The following KLHL10 variants were observed in gnomAD, a reference collection of about 807,000 sequenced individuals.
KLHL10 encodes kelch-like protein 10.
KLHL10 carries 11 observed loss-of-function variants against 46.6 expected under a neutral mutation model. The ratio of observed to expected loss-of-function variants is 0.24; its 90% CI spans 0.15 to 0.39. The LOEUF (loss-of-function observed/expected upper bound fraction) is 0.39, where lower values mean the gene tolerates loss of function less well. Among genes scored for constraint, KLHL10 ranks in the 10% least tolerant of loss-of-function variants. KLHL10 has a pLI of 1.00. For missense variants in KLHL10, 475 were observed against 789.8 expected (o/e 0.60, Z 4.78); for synonymous variants, 254 against 279.1 (o/e 0.91, Z 0.90).
chr17:41,848,269 G>A lies in KLHL10; in HGVS notation c.1789G>A (p.Val597Ile). ...CCCAGGATTAGCACTGCGAGATGAA[G>A]TAAAATATTCTGCTTCGACAAGTAC... is the stretch of plus-strand genomic sequence containing the variant. ...NFPGLALRDE[V>I]KYSASTSTLP... The change falls in exon 5 of 5, where the codon GTA becomes ATA. Residue 597 changes from valine (V) to isoleucine (I), a missense_variant. By Grantham distance (29) the Val-to-Ile change is conservative (BLOSUM62 3). Transcript: ENST00000293303. 1 of 1,613,218 alleles carries A rather than the reference G, an allele frequency of 6.2e-7. No individual in the cohort carries two copies. The highest frequency in any genetic ancestry group is 8.5e-7 in the Non-Finnish European group (1 of 1,179,938).
chr17:41,838,632 TC>T (rs1439656040), intron 1 of KLHL10, among the ~76,000 whole-genome samples: 13 of 57,722 alleles, frequency 2.3e-4, no homozygotes, highest in South Asian at 1.5e-3. Context: ...CTTTTTTCTC[TC>T]TTTTTTTTTT....
At position 41,842,174 on chromosome 17, in the gene KLHL10, G is replaced by T; in HGVS notation, c.546G>T (p.Ser182=). 6.2e-7 allele frequency: 1 copy of T among 1,614,072 alleles called. No homozygotes were observed. The highest frequency in any genetic ancestry group is 1.3e-5 in the African/African-American group (1 of 75,026). Residue 182 remains serine, a synonymous_variant, in exon 2 of 5, where the codon TCG becomes TCT. Coordinates refer to ENST00000293303, the MANE Select transcript of KLHL10 (RefSeq NM_152467.5). ...VKVSAEFLEL[S]VTELKDIIEK... ...TCTCGGCAGAATTTTTAGAGCTCTC[G>T]GTCACTGAACTTAAGGATATCATTG...
At chr17:41,835,721 C>G, upstream of KLHL10, 3 of 910,666 alleles carry the variant, frequency 3.3e-6, no homozygotes, top group South Asian at 4.2e-5. Flanking sequence ...CCAACCCGCT[C>G]TCCTTCAAGC....
chr17:41,847,327 A>C lies in KLHL10; in HGVS notation c.1369A>C (p.Ser457Arg). The C allele has an allele frequency of 6.2e-7, 1 of 1,613,188 alleles. No individual in the cohort carries two copies. Among genetic ancestry groups the C allele is most frequent in the Non-Finnish European group, 8.5e-7 (1 of 1,179,154 alleles). ...CACAGCAGAAGTGTATAACACTGAA[A>C]GTAATCAGTGGACAGTCATAGCACC... ...LFTAEVYNTE[S>R]NQWTVIAPMR... is the part of the protein sequence containing the mutation. The change falls in exon 4 of 5, where the codon AGT (serine) becomes CGT (arginine). Residue 457 changes from serine to arginine, a missense_variant. Ser to Arg is a moderately radical substitution (Grantham distance 110, BLOSUM62 -1). Coordinates refer to ENST00000293303, the MANE Select transcript of KLHL10 (RefSeq NM_152467.5).
At chr17:41,844,238 T>TC (rs1442290009) in intron 2 of KLHL10, among the ~76,000 whole-genome samples, 4 of 146,104 alleles carry the variant, frequency 2.7e-5, no homozygotes, top group Non-Finnish European at 6.0e-5. Context: ...TTTTTTTTTT[T>TC]CTTTTTTTTT....
intron 3 of KLHL10, among the ~76,000 whole-genome samples, chr17:41,846,187 G>A (rs1017030144): frequency 2.0e-5 from 3 of 150,856 alleles, no homozygotes; most frequent in South Asian, 2.1e-4. Flanking sequence ...ACTCCAGCCC[G>A]GGCGACAGTG....
chr17:41,847,446 A>C (rs1555621578), intron 4 of KLHL10, 36 bp downstream of exon 4: 2 of 1,612,392 alleles, frequency 1.2e-6, no homozygotes, highest in South Asian at 1.1e-5. Context: ...CACAAAAAAC[A>C]CATTACCCCT....
chr17:41,841,381 C>T (rs1198726567), intron 1 of KLHL10, among the ~76,000 whole-genome samples: 2 of 152,072 alleles, frequency 1.3e-5, no homozygotes, highest in Non-Finnish European at 2.9e-5. Context: ...GTGTCATGAT[C>T]TTGGCTCACT....
chr17:41,841,680 AAGTC>A, intron 1 of KLHL10, 139 bp from the exon 2 acceptor site: 1 of 924,990 alleles, frequency 1.1e-6, no homozygotes, highest in Non-Finnish European at 1.7e-6. Context: ...AGAGTGACCA[AAGTC>A]AGAGTTCTTG....
At chr17:41,843,048 C>T (rs559495518) in intron 2 of KLHL10, among the ~76,000 whole-genome samples, 34 of 151,026 alleles carry the variant, frequency 2.3e-4, no homozygotes, top group African/African-American at 8.3e-4. Context: ...ACTGCTTGAG[C>T]CTGGGAGGTC....
At chr17:41,843,802 C>A (rs529892020) in intron 2 of KLHL10, among the ~76,000 whole-genome samples, 289 of 152,214 alleles carry the variant, frequency 1.9e-3, no homozygotes, top group African/African-American at 6.6e-3. Flanking sequence ...CTCACTGTTG[C>A]CCAGGCTGGA....
rs1555620370 is a variant in KLHL10 at position 41,838,090 on chromosome 17, A to T, written c.158A>T (p.His53Leu). The T allele has an allele frequency of 6.2e-7, 1 of 1,614,004 alleles. No homozygotes were observed. The highest frequency in any genetic ancestry group is 8.5e-7 in the Non-Finnish European group (1 of 1,180,020). Reference protein sequence around the residue: ...IKVNGFEFSAHKNILCSCSSY... With the variant: ...IKVNGFEFSALKNILCSCSSY... ...GTCAATGGCTTTGAGTTCAGTGCCC[A>T]TAAGAACATCCTCTGTAGCTGCAGT... Residue 53 changes from histidine to leucine, a missense_variant, in exon 1 of 5, where the codon CAT becomes CTT. By Grantham distance (99) the His-to-Leu change is moderately conservative. Transcript: ENST00000293303.
chr17:41,847,816 T>G, intron 4 of KLHL10, 117 bp from the exon 5 acceptor site: 1 of 1,450,590 alleles, frequency 6.9e-7, no homozygotes, highest in Non-Finnish European at 9.7e-7. Context: ...AAAAGCTTTT[T>G]TTCATGGAAG....
chr17:41,837,861 G>A lies in KLHL10; in HGVS notation c.-72G>A, dbSNP rs1302589359. 3.7e-6 allele frequency: 6 copies of A among 1,606,022 alleles called. No homozygotes were observed. Among genetic ancestry groups the A allele is most frequent in the Non-Finnish European group, 5.1e-6 (6 of 1,178,802 alleles). ...GTAGTAGGGAAAAGGAGCGACAGCTGGCTAAAGGGGCCCCCCACAACCCTC... is the reference window on the plus strand; with the variant it reads ...GTAGTAGGGAAAAGGAGCGACAGCTAGCTAAAGGGGCCCCCCACAACCCTC... On this transcript the variant is annotated 5_prime_UTR_variant, in exon 1 of 5. Coordinates refer to ENST00000293303, the MANE Select transcript of KLHL10 (RefSeq NM_152467.5).
At position 41,842,252 on chromosome 17, in the gene KLHL10, A is replaced by G; in HGVS notation, c.624A>G (p.Leu208=). Residue 208 remains leucine, a synonymous_variant, in exon 2 of 5, where the codon TTA becomes TTG. Coordinates refer to ENST00000293303, the MANE Select transcript of KLHL10 (RefSeq NM_152467.5). ...KQEDAVFEAI[L]KWISHDPQNR... ...AAGATGCTGTATTTGAGGCCATTTT[A>G]AAGTGGATTTCTCATGACCCCCAAA... 2 of 1,614,182 alleles carry G rather than the reference A, an allele frequency of 1.2e-6. No individual in the cohort carries two copies. Among genetic ancestry groups the G allele is most frequent in the Non-Finnish European group, 1.7e-6 (2 of 1,180,040 alleles).
chr17:41,846,495 C>T (rs2048287647), intron 3 of KLHL10, among the ~76,000 whole-genome samples: 1 of 151,786 alleles, frequency 6.6e-6, no homozygotes, highest in Non-Finnish European at 1.5e-5. Flanking sequence ...CAAGATTGCG[C>T]CACTGCACTC....
rs782438939 is a variant in KLHL10, at chr17:41,838,833, C to T, written c.194+707C>T. ...CCTCTCAAGTAGCTGGGATTACAGG[C>T]GCCTGACACCACGCCCGGCTAATTT... On this transcript the variant is annotated intron_variant, in intron 1 of 4. Transcript: ENST00000293303. Among the ~76,000 whole-genome samples the T allele has an allele frequency of 3.3e-5, 5 of 151,602 alleles. No individual in the cohort carries two copies. The East Asian group carries it at 5.8e-4, about 18-fold the overall frequency.
chr17:41,839,135 G>A (rs1304220705), intron 1 of KLHL10, among the ~76,000 whole-genome samples: 1 of 152,032 alleles, frequency 6.6e-6, no homozygotes, highest in Non-Finnish European at 1.5e-5. Context: ...GGAATTACAG[G>A]CTCCCGCCAC....
chr17:41,836,096 G>A (rs1473617118), upstream of KLHL10: 6 of 1,345,028 alleles, frequency 4.5e-6, no homozygotes, highest in Non-Finnish European at 5.7e-6. Context: ...AAGCGGCGGT[G>A]CCTCGGTGAC....
Sources: allele counts gnomAD v4.1 joint callset (sites outside exome capture counted in the v4.1 genomes callset), GRCh38; gene constraint gnomAD v4.1.1; transcripts MANE v1.5; gene names NCBI Gene and HGNC (gene_info 2026-07-23, HGNC 2026-07-21).